EYS: variants seen among roughly 807,000 people sequenced by gnomAD.
The protein encoded by EYS is EGF-like photoreceptor maintenance factor, also known as protein eyes shut homolog.
In EYS, 250 loss-of-function variants were observed where a neutral mutation model predicts 282.1. The observed-to-expected ratio is 0.89, with a 90% CI of 0.80 to 0.98. The LOEUF (loss-of-function observed/expected upper bound fraction) is 0.98, where lower values mean the gene tolerates loss of function less well. EYS is among the 50% of genes least tolerant of loss of function. The pLI, the probability that EYS is intolerant of heterozygous loss-of-function variation, is 0.00. For missense variants in EYS, 4,016 were observed against 3,709.0 expected (o/e 1.08, Z -2.15); for synonymous variants, 1,355 against 1,282.9 (o/e 1.06, Z -1.20).
rs372173435 is a variant in EYS, at chr6:65,443,304, G to A, written c.863-37937C>T. Among the ~76,000 whole-genome samples the A allele has an allele frequency of 7.5e-4, 74 of 98,232 alleles. 3 individuals carry two copies. The highest frequency in any genetic ancestry group is 0.017 in the Middle Eastern group (2 of 118). 64.4% of individuals were successfully genotyped at this position (98,232 alleles called of 152,430 possible). On this transcript the variant is annotated intron_variant, in intron 5 of 42. Coordinates refer to ENST00000503581, the MANE Select transcript of EYS (RefSeq NM_001142800.2). ...TATGCATGCATATATGCATACATGT[G>A]TGTACACATATAGACATATATGCAT... is the stretch of plus-strand genomic sequence containing the variant.
At chr6:65,103,084 A>T (rs144463755) in intron 12 of EYS, among the ~76,000 whole-genome samples, 47 of 151,478 alleles carry the variant, frequency 3.1e-4, no homozygotes, top group Middle Eastern at 3.4e-3. Context: ...AACTTATTAG[A>T]AAAGCAAAAT....
intron 1 of EYS, among the ~76,000 whole-genome samples, chr6:65,663,169 A>G (rs1379270040): frequency 6.6e-6 from 1 of 152,148 alleles, no homozygotes. Flanking sequence ...ATTGTTTATC[A>G]ATTTCATTCT....
chr6:64,637,339 A>G (rs957188629), intron 22 of EYS, among the ~76,000 whole-genome samples: 2 of 87,682 alleles, frequency 2.3e-5, no homozygotes, highest in African/African-American at 8.8e-5. Context: ...AAACTATCGC[A>G]AGGACAAAAA....
intron 12 of EYS, among the ~76,000 whole-genome samples, chr6:65,217,826 A>G (rs529862447): frequency 4.2e-4 from 64 of 152,220 alleles, no homozygotes; most frequent in African/African-American, 1.4e-3. Flanking sequence ...TCAGAAGTTT[A>G]GATGTCATGC....
At chr6:64,942,944 A>G (rs1315489873) in intron 15 of EYS, among the ~76,000 whole-genome samples, 4 of 152,002 alleles carry the variant, frequency 2.6e-5, no homozygotes, top group Non-Finnish European at 5.9e-5. Context: ...AGAAAACTAC[A>G]GGCCAATACA....
intron 35 of EYS, among the ~76,000 whole-genome samples, chr6:63,974,007 A>C (rs533519544): frequency 6.6e-6 from 1 of 152,294 alleles, no homozygotes; most frequent in East Asian, 1.9e-4. Context: ...CTCAACCAAA[A>C]GGATTGGTTT....
intron 8 of EYS, among the ~76,000 whole-genome samples, chr6:65,372,094 G>GT (rs1373632677): frequency 1.6e-4 from 24 of 151,386 alleles, no homozygotes; most frequent in East Asian, 5.8e-4. Context: ...TAAATTTTGT[G>GT]TTTTTTTCTT....
At chr6:63,796,388 TGTGTATTTCA>T (rs1211571725) in intron 37 of EYS, among the ~76,000 whole-genome samples, 5 of 152,166 alleles carry the variant, frequency 3.3e-5, no homozygotes, top group African/African-American at 1.2e-4. Flanking sequence ...GTGAGATCCA[TGTGTATTTCA>T]GCATATTCCA....
chr6:64,276,968 T>A (rs1768135261), intron 30 of EYS, among the ~76,000 whole-genome samples: 1 of 152,140 alleles, frequency 6.6e-6, no homozygotes, highest in African/African-American at 2.4e-5. Context: ...TGAAAATATA[T>A]GACAGCTAAT....
intron 5 of EYS, among the ~76,000 whole-genome samples, chr6:65,480,904 A>G (rs1333123172): frequency 2.0e-5 from 3 of 152,176 alleles, no homozygotes; most frequent in African/African-American, 7.2e-5. Flanking sequence ...AGAACTAAAT[A>G]AAATTTGAGC....
intron 26 of EYS, among the ~76,000 whole-genome samples, chr6:64,445,619 T>TAGATTACTGATA (rs1775095060): frequency 6.6e-6 from 1 of 152,216 alleles, no homozygotes; most frequent in Non-Finnish European, 1.5e-5. Context: ...AACTGACTTC[T>TAGATTACTGATA]CATAAAATAC....
At chr6:65,561,866 AAGC>A (rs1443015992) in intron 2 of EYS, among the ~76,000 whole-genome samples, 2 of 151,822 alleles carry the variant, frequency 1.3e-5, no homozygotes, top group African/African-American at 4.8e-5. Context: ...TAATATTAAT[AAGC>A]AGAATTTTAT....
chr6:64,395,016 C>A (rs1468288072), intron 28 of EYS, among the ~76,000 whole-genome samples: 1 of 152,152 alleles, frequency 6.6e-6, no homozygotes, highest in Non-Finnish European at 1.5e-5. Flanking sequence ...ATGCAGCCAA[C>A]AGACACATGA....
At chr6:65,257,683 A>C (rs1256567285) in intron 12 of EYS, among the ~76,000 whole-genome samples, 3 of 151,806 alleles carry the variant, frequency 2.0e-5, no homozygotes, top group Non-Finnish European at 4.4e-5. Flanking sequence ...GCCTTGTAGT[A>C]TAGTTTGAAG....
intron 31 of EYS, among the ~76,000 whole-genome samples, chr6:64,202,380 A>C (rs1294686659): frequency 2.0e-5 from 3 of 152,158 alleles, no homozygotes; most frequent in Non-Finnish European, 4.4e-5. Flanking sequence ...TCACCACTCA[A>C]CCAAAGACTT....
At chr6:65,302,988 T>C in intron 11 of EYS, 1 of 1,531,812 alleles carries the variant, frequency 6.5e-7, no homozygotes, top group South Asian at 1.1e-5. Flanking sequence ...CCACCAGTTG[T>C]AATTAATGCT....
chr6:65,423,874 TA>T (rs1420774975), intron 5 of EYS, among the ~76,000 whole-genome samples: 1 of 152,066 alleles, frequency 6.6e-6, no homozygotes, highest in Admixed American at 6.6e-5. Context: ...CTCTAGGGTT[TA>T]CTTTATCCCT....
chr6:65,194,771 T>G (rs1340688492), intron 12 of EYS, among the ~76,000 whole-genome samples: 1 of 151,718 alleles, frequency 6.6e-6, no homozygotes. Flanking sequence ...GGAGAACAAG[T>G]GACCCGGGTC....
At position 65,528,683 on chromosome 6, in the gene EYS, A is replaced by G. The variant is rs75500064; in HGVS notation, c.-332-32690T>C. Among the ~76,000 whole-genome samples, 83 of 152,286 alleles carry G rather than the reference A, an allele frequency of 5.5e-4. 2 individuals are homozygous for G. In the East Asian group the frequency reaches 0.015, roughly 28 times the overall value. On this transcript the variant is annotated intron_variant, in intron 2 of 42. Coordinates refer to ENST00000503581, the MANE Select transcript of EYS (RefSeq NM_001142800.2). ...GAGCCAATATATTTCCATTCATTATAAATTACCTAGTCTCGACTATTCTGT... is the reference window on the plus strand; with the variant it reads ...GAGCCAATATATTTCCATTCATTATGAATTACCTAGTCTCGACTATTCTGT...
Sources: allele counts gnomAD v4.1 joint callset (sites outside exome capture counted in the v4.1 genomes callset), GRCh38; gene constraint gnomAD v4.1.1; transcripts MANE v1.5; gene names NCBI Gene and HGNC (gene_info 2026-07-23, HGNC 2026-07-21).